Variants in PRSS38 observed in about 807,000 individuals in gnomAD.
The protein encoded by PRSS38 is serine protease 38, also known as marapsin 2.
In PRSS38, 22 loss-of-function variants were observed where a neutral mutation model predicts 26.8. The observed-to-expected ratio is 0.82, with a 90% confidence interval of 0.59 to 1.17. PRSS38 has a LOEUF of 1.17. Among genes scored for constraint, PRSS38 ranks in the 50% most tolerant of loss-of-function variants. PRSS38 has a pLI of 0.00. For synonymous variants in PRSS38, 175 were observed against 172.1 expected (o/e 1.02, Z -0.13); for missense variants, 427 against 422.7 (o/e 1.01, Z -0.09).
chr1:227,844,258 C>G (rs1474185091), intron 3 of PRSS38, among the ~76,000 whole-genome samples: 1 of 151,850 alleles, frequency 6.6e-6, no homozygotes, highest in Non-Finnish European at 1.5e-5. Flanking sequence ...CTGGGCTCCT[C>G]CCCATCTGTG....
At chr1:227,840,552 A>G (rs1184191261) in intron 3 of PRSS38, among the ~76,000 whole-genome samples, 1 of 152,150 alleles carries the variant, frequency 6.6e-6, no homozygotes, top group African/African-American at 2.4e-5. Context: ...ATTTATTTAC[A>G]TATTGTCTCT....
intron 3 of PRSS38, among the ~76,000 whole-genome samples, chr1:227,822,992 G>A (rs1665023174): frequency 6.6e-6 from 1 of 152,040 alleles, no homozygotes; most frequent in African/African-American, 2.4e-5. Flanking sequence ...TTGCTACATG[G>A]ATATATTGCA....
chr1:227,816,174 A>G lies in PRSS38; in HGVS notation c.233A>G (p.His78Arg), dbSNP rs764194829. The change falls in exon 2 of 5, where the codon CAC becomes CGC. Residue 78 changes from histidine to arginine, a missense_variant. Physicochemically the swap from His to Arg is conservative, Grantham distance 29. Transcript: ENST00000366757. This position sits in a 1 kb window ranked among gnomAD's most constrained non-coding sequence, Gnocchi z 5.1. ...AAGTGGCCGTGGCAGGTCAGCGTGCACTACGCAGGCCTCCACGTCTGCGGC... is the reference window on the plus strand; with the variant it reads ...AAGTGGCCGTGGCAGGTCAGCGTGCGCTACGCAGGCCTCCACGTCTGCGGC... 35 of 1,613,424 alleles carry G rather than the reference A, an allele frequency of 2.2e-5. No homozygotes were observed. The highest frequency in any genetic ancestry group is 1.5e-4 in the Admixed American group (9 of 59,992).
chr1:227,833,546 T>G (rs1464868945), intron 3 of PRSS38, among the ~76,000 whole-genome samples: 1 of 150,354 alleles, frequency 6.7e-6, no homozygotes, highest in Non-Finnish European at 1.5e-5. Flanking sequence ...AAAGCAACGT[T>G]GAAGGACTCA....
At chr1:227,842,356 C>A (rs575965740) in intron 3 of PRSS38, among the ~76,000 whole-genome samples, 15 of 152,128 alleles carry the variant, frequency 9.9e-5, no homozygotes, top group Non-Finnish European at 2.1e-4. Context: ...TGTCTGGTGT[C>A]TGTCCATCTC....
At chr1:227,817,078 A>C in intron 2 of PRSS38, 131 bp from the exon 3 acceptor site, 1 of 953,394 alleles carries the variant, frequency 1.0e-6, no homozygotes, top group Non-Finnish European at 1.6e-6. Flanking sequence ...GGTCCCTACT[A>C]TGCTGCAGGA....
intron 3 of PRSS38, among the ~76,000 whole-genome samples, chr1:227,822,359 A>G (rs148160543): frequency 6.6e-6 from 1 of 152,072 alleles, no homozygotes; most frequent in Non-Finnish European, 1.5e-5. Flanking sequence ...TTGTTTTCTT[A>G]AGTGGGCCAT....
chr1:227,834,912 G>A (rs1439679728), intron 3 of PRSS38, among the ~76,000 whole-genome samples: 1 of 152,050 alleles, frequency 6.6e-6, no homozygotes, highest in African/African-American at 2.4e-5. Context: ...TGATAAGAAT[G>A]GAAGAAAATA....
At chr1:227,840,994 A>G (rs1302428558) in intron 3 of PRSS38, among the ~76,000 whole-genome samples, 1 of 152,218 alleles carries the variant, frequency 6.6e-6, no homozygotes, top group East Asian at 1.9e-4. Context: ...CGTTTTTGGT[A>G]TTTTAGAGAA....
At chr1:227,819,628 T>C (rs570120911) in intron 3 of PRSS38, among the ~76,000 whole-genome samples, 41 of 152,352 alleles carry the variant, frequency 2.7e-4, no homozygotes, top group African/African-American at 9.9e-4. Context: ...TCCATTTATT[T>C]GAGTCTTTAA....
intron 3 of PRSS38, 141 bp downstream of exon 3, chr1:227,817,621 C>T: frequency 1.2e-6 from 1 of 857,022 alleles, no homozygotes; most frequent in Non-Finnish European, 1.8e-6. Flanking sequence ...ATTTGTTTGT[C>T]AGTGTGGATA....
intron 3 of PRSS38, among the ~76,000 whole-genome samples, chr1:227,837,490 A>G (rs1052068801): frequency 2.0e-4 from 31 of 152,164 alleles, no homozygotes; most frequent in African/African-American, 6.0e-4. Flanking sequence ...TTCTCTCCAT[A>G]GTCCTGCTAA....
intron 3 of PRSS38, among the ~76,000 whole-genome samples, chr1:227,824,171 A>T (rs777396040): frequency 1.3e-4 from 20 of 152,120 alleles, no homozygotes; most frequent in Non-Finnish European, 2.6e-4. Flanking sequence ...CCCATCACCT[A>T]GGTATTAAGC....
Position 227,837,890 on chromosome 1 carries a change from G to A in PRSS38, c.584-7580G>A, listed in dbSNP as rs757983366. Among the ~76,000 whole-genome samples the A allele has an allele frequency of 3.9e-5, 6 of 151,926 alleles. No homozygotes were observed. The South Asian group carries it at 6.2e-4, about 16-fold the overall frequency. ...ACGTGTATTGCAAATATTTTCTACC[G>A]CACTGGCTTGGTTTGTAATTTTCTT... is the stretch of plus-strand genomic sequence containing the variant. On this transcript the variant is annotated intron_variant, in intron 3 of 4. Coordinates refer to ENST00000366757, the Ensembl canonical transcript of PRSS38.
At chr1:227,829,960 C>G (rs771075764) in intron 3 of PRSS38, among the ~76,000 whole-genome samples, 80 of 152,128 alleles carry the variant, frequency 5.3e-4, no homozygotes, top group Admixed American at 1.6e-3. Flanking sequence ...TATCTTTTAA[C>G]AGATTGAGGA....
intron 3 of PRSS38, among the ~76,000 whole-genome samples, chr1:227,843,796 G>C (rs1022805829): frequency 6.7e-6 from 1 of 150,220 alleles, no homozygotes; most frequent in South Asian, 2.1e-4. Context: ...GAGGCAGGTG[G>C]ATCACCTGAG....
chr1:227,830,048 T>A (rs892591908), intron 3 of PRSS38, among the ~76,000 whole-genome samples: 1 of 152,224 alleles, frequency 6.6e-6, no homozygotes, highest in African/African-American at 2.4e-5. Context: ...CATCTATCGA[T>A]ATGTTCCTGT....
intron 3 of PRSS38, among the ~76,000 whole-genome samples, chr1:227,841,986 G>A (rs1665344037): frequency 6.6e-6 from 1 of 152,152 alleles, no homozygotes; most frequent in African/African-American, 2.4e-5. Context: ...ATGGCCAGAG[G>A]GGAGGGGAGT....
At chr1:227,817,074 T>C in intron 2 of PRSS38, 135 bp from the exon 3 acceptor site, 1 of 933,136 alleles carries the variant, frequency 1.1e-6, no homozygotes. Context: ...GATAGGTCCC[T>C]ACTATGCTGC....
Sources: allele counts gnomAD v4.1 joint callset (sites outside exome capture counted in the v4.1 genomes callset), GRCh38; gene constraint gnomAD v4.1.1; non-coding constraint Gnocchi (gnomAD v3.1); transcripts MANE v1.5; gene names NCBI Gene and HGNC (gene_info 2026-07-23, HGNC 2026-07-21).